Variants in PDE3B observed in about 807,000 individuals in gnomAD.
The protein encoded by PDE3B is phosphodiesterase 3B, also known as cGMP-inhibited 3',5'-cyclic phosphodiesterase 3B.
A neutral mutation model predicts 116.8 loss-of-function variants in PDE3B; 66 were observed. The ratio of observed to expected loss-of-function variants is 0.56; its 90% CI spans 0.46 to 0.69. The LOEUF (loss-of-function observed/expected upper bound fraction) is 0.69, where lower values mean the gene tolerates loss of function less well. Among genes scored for constraint, PDE3B ranks in the 30% least tolerant of loss-of-function variants. The pLI, the probability that PDE3B is intolerant of heterozygous loss-of-function variation, is 0.00. For missense variants in PDE3B, 1,384 were observed against 1,368.1 expected, an observed-to-expected ratio of 1.01 and a Z score of -0.18; for synonymous variants, 595 against 533.6, an observed-to-expected ratio of 1.12 and a Z score of -1.59.
Position 14,644,699 on chromosome 11 carries a change from G to A in PDE3B, c.624G>A (p.Leu208=). ...TGCTGAGCTGCGTAGGGCTGCTGCT[G>A]ACGCTCGCGCACCCGCTGCGGCTCC... ...LLVLSCVGLL[L]TLAHPLRLRH... The change falls in exon 1 of 16, where the codon CTG becomes CTA. Residue 208 remains leucine, a synonymous_variant. Coordinates refer to ENST00000282096, the MANE Select transcript of PDE3B (RefSeq NM_000922.4). The A allele has an allele frequency of 5.3e-6, 8 of 1,519,722 alleles. No homozygotes were observed. The highest frequency in any genetic ancestry group is 6.2e-6 in the Non-Finnish European group (7 of 1,136,192). The allele number at this position is 1,519,722 out of a possible 1,614,324, so 94.1% of individuals were successfully genotyped here.
intron 1 of PDE3B, among the ~76,000 whole-genome samples, chr11:14,656,884 T>A (rs970697266): frequency 6.6e-5 from 10 of 152,206 alleles, no homozygotes; most frequent in Non-Finnish European, 1.5e-4. Flanking sequence ...CCGTTTTTAT[T>A]GTCTCGATAC....
At chr11:14,724,214 G>T (rs1396526910) in intron 1 of PDE3B, among the ~76,000 whole-genome samples, 1 of 152,144 alleles carries the variant, frequency 6.6e-6, no homozygotes, top group East Asian at 1.9e-4. Flanking sequence ...TTACCAGGGG[G>T]TTGGGGAGAA....
chr11:14,755,422 A>G (rs1857158590), intron 1 of PDE3B, among the ~76,000 whole-genome samples: 1 of 152,246 alleles, frequency 6.6e-6, no homozygotes, highest in South Asian at 2.1e-4. Context: ...GCTAAAAGTC[A>G]GGAGAAGAAT....
Position 14,871,278 on chromosome 11 carries a change from G to C in PDE3B, c.*1618G>C, listed in dbSNP as rs754352293. On this transcript the variant is annotated 3_prime_UTR_variant, in exon 16 of 16. Transcript: ENST00000282096. ...ATTAGACGTGTTGAGTGAGTGCTGAGTTCCTTGCTGCCACTTTTGTTACCA... is the reference window on the plus strand; with the variant it reads ...ATTAGACGTGTTGAGTGAGTGCTGACTTCCTTGCTGCCACTTTTGTTACCA... The C allele has an allele frequency of 1.2e-4, 19 of 152,232 alleles. No homozygotes were observed. Among genetic ancestry groups the C allele is most frequent in the African/African-American group, 4.6e-4 (19 of 41,560 alleles). 9.4% of individuals were successfully genotyped at this position (152,232 alleles called of 1,614,324 possible).
At chr11:14,849,286 G>T (rs1322994282) in intron 12 of PDE3B, among the ~76,000 whole-genome samples, 1 of 151,622 alleles carries the variant, frequency 6.6e-6, no homozygotes, top group Non-Finnish European at 1.5e-5. Context: ...CTAGCCATAT[G>T]TAGAAAGCTG....
chr11:14,807,552 A>G (rs1016940784), intron 5 of PDE3B, among the ~76,000 whole-genome samples: 4 of 152,334 alleles, frequency 2.6e-5, no homozygotes, highest in Middle Eastern at 3.4e-3. Flanking sequence ...AAAAGCTTGA[A>G]TAATTCAAAA....
chr11:14,836,718 CA>C (rs528024054), intron 11 of PDE3B, among the ~76,000 whole-genome samples: 293 of 152,332 alleles, frequency 1.9e-3, no homozygotes, highest in Middle Eastern at 3.4e-3. Flanking sequence ...AAGGCATCAA[CA>C]GAACTATTTT....
At chr11:14,678,684 A>G (rs1854603696) in intron 1 of PDE3B, among the ~76,000 whole-genome samples, 1 of 152,108 alleles carries the variant, frequency 6.6e-6, no homozygotes, top group Admixed American at 6.6e-5. Context: ...TGATTTGCAA[A>G]TATTTTCTTC....
At chr11:14,715,639 A>C (rs889284726) in intron 1 of PDE3B, among the ~76,000 whole-genome samples, 1 of 152,200 alleles carries the variant, frequency 6.6e-6, no homozygotes, top group Non-Finnish European at 1.5e-5. Context: ...GAAGTTGCCT[A>C]TCAGCTTAAG....
At chr11:14,726,899 T>G (rs530802338) in intron 1 of PDE3B, among the ~76,000 whole-genome samples, 1 of 152,206 alleles carries the variant, frequency 6.6e-6, no homozygotes, top group South Asian at 2.1e-4. Flanking sequence ...AATTGAATGA[T>G]CATTGAACGG....
At chr11:14,872,516 G>A (rs1848154283), downstream of PDE3B, among the ~76,000 whole-genome samples, 1 of 152,180 alleles carries the variant, frequency 6.6e-6, no homozygotes, top group Admixed American at 6.5e-5. Context: ...TAGAGAGATG[G>A]TGGTTAATGA....
At chr11:14,744,573 G>T (rs1856857655) in intron 1 of PDE3B, among the ~76,000 whole-genome samples, 2 of 152,098 alleles carry the variant, frequency 1.3e-5, no homozygotes, top group Admixed American at 1.3e-4. Flanking sequence ...TGTAAAGATG[G>T]ATTATTTCAT....
chr11:14,751,109 G>T lies in PDE3B; in HGVS notation c.979-20828G>T, dbSNP rs533804817. Among the ~76,000 whole-genome samples the T allele has an allele frequency of 9.9e-5, 15 of 152,248 alleles. No homozygotes were observed. In the South Asian group the frequency reaches 2.9e-3, roughly 29 times the overall value. On this transcript the variant is annotated intron_variant, in intron 1 of 15. Transcript: ENST00000282096. ...ATTTTTAGTTCCTCCCTCACATTTAGTCAGAAACATTGTGCACCTGGTGAT... is the reference window on the plus strand; with the variant it reads ...ATTTTTAGTTCCTCCCTCACATTTATTCAGAAACATTGTGCACCTGGTGAT...
intron 1 of PDE3B, among the ~76,000 whole-genome samples, chr11:14,743,534 C>A (rs555957857): frequency 7.9e-4 from 120 of 152,320 alleles, no homozygotes; most frequent in African/African-American, 2.6e-3. Context: ...GACCACTGGG[C>A]TCCCTGGCTT....
chr11:14,867,757 A>G lies in PDE3B; in HGVS notation c.3138A>G (p.Pro1046=). Residue 1046 remains proline, a splice_region_variant and synonymous_variant, in exon 15 of 16, where the codon CCA becomes CCG. Transcript: ENST00000282096. The part of the protein sequence containing the change: ...EDEEMENNLN[P]KPPRRKSRRR... ...AAGAAATGGAAAACAATCTAAATCC[A>G]AGTAAGAATATAGGGACATTATAAT... The G allele has an allele frequency of 6.3e-7, 1 of 1,599,156 alleles. No individual in the cohort carries two copies. Among genetic ancestry groups the G allele is most frequent in the Non-Finnish European group, 8.6e-7 (1 of 1,166,642 alleles).
In PDE3B at chr11:14,818,349, T is replaced by G. The variant is rs770500158; in HGVS notation, c.1689T>G (p.Asp563Glu). The change falls in exon 6 of 16, where the codon GAT (aspartate) becomes GAG (glutamate). Residue 563 changes from aspartate to glutamate, a missense_variant. Transcript: ENST00000282096. ...TGGGCAATGCACCTAATACTCCAGA[T>G]TTTTATCAGCAACTTAGAAATTCTG... ...RSLGNAPNTP[D>E]FYQQLRNSDS... 9 of 1,613,322 alleles carry G rather than the reference T, an allele frequency of 5.6e-6. No homozygotes were observed. Among genetic ancestry groups the G allele is most frequent in the Non-Finnish European group, 7.6e-6 (9 of 1,179,356 alleles).
intron 14 of PDE3B, among the ~76,000 whole-genome samples, chr11:14,867,079 A>AG (rs1287168441): frequency 2.0e-5 from 3 of 150,180 alleles, no homozygotes; most frequent in Non-Finnish European, 3.0e-5. Context: ...AAAAAAAAAA[A>AG]GGGGGTGGAG....
intron 1 of PDE3B, among the ~76,000 whole-genome samples, chr11:14,714,221 C>T (rs1446759270): frequency 1.3e-5 from 2 of 149,496 alleles, no homozygotes; most frequent in Non-Finnish European, 3.0e-5. Flanking sequence ...AAAAAAAGAC[C>T]GTATAAATGT....
At chr11:14,848,470 T>C (rs1413427474) in intron 12 of PDE3B, among the ~76,000 whole-genome samples, 1 of 151,606 alleles carries the variant, frequency 6.6e-6, no homozygotes, top group African/African-American at 2.4e-5. Flanking sequence ...TTCAACATAG[T>C]GTTGGAAGTT....
Sources: allele counts gnomAD v4.1 joint callset (sites outside exome capture counted in the v4.1 genomes callset), GRCh38; gene constraint gnomAD v4.1.1; transcripts MANE v1.5; gene names NCBI Gene and HGNC (gene_info 2026-07-23, HGNC 2026-07-21).